The following EPHA6 variants were observed in gnomAD, a reference collection of about 807,000 sequenced individuals.
The protein encoded by EPHA6 is ephrin type-A receptor 6.
A neutral mutation model predicts 112.0 loss-of-function variants in EPHA6; 50 were observed. That is an observed-to-expected ratio of 0.45 (90% confidence interval 0.36 to 0.56). The LOEUF (loss-of-function observed/expected upper bound fraction) is 0.56, where lower values mean the gene tolerates loss of function less well. Among genes scored for constraint, EPHA6 ranks in the 20% least tolerant of loss-of-function variants. EPHA6 has a pLI of 0.00. For missense variants in EPHA6, 1,280 were observed against 1,417.4 expected (o/e 0.90, Z 1.56); for synonymous variants, 529 against 490.7 (o/e 1.08, Z -1.03).
intron 5 of EPHA6, among the ~76,000 whole-genome samples, chr3:97,307,594 C>T (rs558706936): frequency 1.4e-5 from 2 of 147,202 alleles, no homozygotes; most frequent in Non-Finnish European, 3.0e-5. Flanking sequence ...CTAGTTTTGT[C>T]TTTACATTTT....
At chr3:96,985,468 C>A (rs910832185) in intron 2 of EPHA6, among the ~76,000 whole-genome samples, 5 of 151,822 alleles carry the variant, frequency 3.3e-5, no homozygotes, top group African/African-American at 4.8e-5. Flanking sequence ...TATTGTGGTT[C>A]CAATGAGCTG....
intron 13 of EPHA6, among the ~76,000 whole-genome samples, chr3:97,615,916 A>G (rs1364779698): frequency 6.6e-6 from 1 of 152,170 alleles, no homozygotes; most frequent in Non-Finnish European, 1.5e-5. Flanking sequence ...TGGAGAGCCC[A>G]AGCTGACCAG....
intron 2 of EPHA6, among the ~76,000 whole-genome samples, chr3:96,884,400 T>A: frequency 6.6e-6 from 1 of 152,142 alleles, no homozygotes; most frequent in East Asian, 1.9e-4. Context: ...TTTTTCAGCA[T>A]CATTTTATAG....
intron 3 of EPHA6, among the ~76,000 whole-genome samples, chr3:97,047,277 G>A (rs1486441814): frequency 6.6e-6 from 1 of 151,878 alleles, no homozygotes; most frequent in African/African-American, 2.4e-5. Flanking sequence ...AAGGCGGGTG[G>A]ATCATGAGGT....
chr3:97,387,760 A>T (rs1162510206), intron 5 of EPHA6, among the ~76,000 whole-genome samples: 1 of 152,094 alleles, frequency 6.6e-6, no homozygotes, highest in African/African-American at 2.4e-5. Context: ...CACTCTCATT[A>T]CCAATTTTCT....
At chr3:96,929,300 A>G (rs912075273) in intron 2 of EPHA6, among the ~76,000 whole-genome samples, 1 of 152,150 alleles carries the variant, frequency 6.6e-6, no homozygotes, top group African/African-American at 2.4e-5. Flanking sequence ...TATTTTGCAG[A>G]CTTGTTTACA....
In EPHA6 at chr3:97,667,770, A is replaced by C. The variant is rs376008058; in HGVS notation, c.2784+29688A>C. Among the ~76,000 whole-genome samples the C allele has an allele frequency of 9.9e-5, 15 of 152,164 alleles. No homozygotes were observed. The East Asian group carries it at 2.7e-3, about 27-fold the overall frequency. On this transcript the variant is annotated intron_variant, in intron 14 of 17. Transcript: ENST00000389672. The stretch of plus-strand genomic sequence containing the variant: ...CCAGTGCCTGACAGATCAAAATTCT[A>C]TCCCCATTTCTCATATTTGCTCTTT...
intron 12 of EPHA6, among the ~76,000 whole-genome samples, chr3:97,598,872 A>G (rs2107389049): frequency 6.6e-6 from 1 of 150,782 alleles, no homozygotes; most frequent in East Asian, 2.2e-4. Context: ...ACTAGTTTAC[A>G]GTCCCACCAA....
intron 5 of EPHA6, among the ~76,000 whole-genome samples, chr3:97,398,920 C>T (rs916234933): frequency 7.3e-5 from 11 of 151,406 alleles, no homozygotes; most frequent in African/African-American, 2.7e-4. Context: ...AGGTAATTAA[C>T]ATATACATCC....
intron 3 of EPHA6, among the ~76,000 whole-genome samples, chr3:97,217,305 A>T (rs960956146): frequency 3.9e-5 from 6 of 152,216 alleles, no homozygotes; most frequent in African/African-American, 1.4e-4. Flanking sequence ...CTAATAAAAA[A>T]AATTCAACAA....
intron 5 of EPHA6, among the ~76,000 whole-genome samples, chr3:97,284,768 AG>A (rs528911994): frequency 6.6e-6 from 1 of 152,286 alleles, no homozygotes; most frequent in South Asian, 2.1e-4. Flanking sequence ...AAATTCCCCA[AG>A]GCCATTTGAT....
intron 2 of EPHA6, among the ~76,000 whole-genome samples, chr3:96,941,286 CTTTGTTCGTTTCT>C (rs1383491311): frequency 6.6e-6 from 1 of 152,156 alleles, no homozygotes; most frequent in Non-Finnish European, 1.5e-5. Flanking sequence ...TTCCTGGAGG[CTTTGTTCGTTTCT>C]TTTTATTCTT....
intron 5 of EPHA6, among the ~76,000 whole-genome samples, chr3:97,264,691 G>GC (rs2079614059): frequency 1.3e-5 from 2 of 152,198 alleles, no homozygotes; most frequent in African/African-American, 4.8e-5. Flanking sequence ...CTGTAACTAG[G>GC]AAGAATGAGG....
Position 96,859,634 on chromosome 3 carries a change from A to T in EPHA6, c.386-7191A>T, listed in dbSNP as rs150817908. Among the ~76,000 whole-genome samples the T allele has an allele frequency of 3.9e-3, 591 of 151,890 alleles. 1 individual carries two copies. The highest frequency in any genetic ancestry group is 0.011 in the South Asian group (51 of 4,804). The stretch of plus-strand genomic sequence containing the variant: ...TTAATTCATTTTTAAAACATCTCCC[A>T]CTCTATGTAAAACAATATCTCTTTG... On this transcript the variant is annotated intron_variant, in intron 1 of 17. Transcript: ENST00000389672.
intron 5 of EPHA6, among the ~76,000 whole-genome samples, chr3:97,249,501 A>G (rs2079073502): frequency 6.6e-6 from 1 of 152,158 alleles, no homozygotes; most frequent in Non-Finnish European, 1.5e-5. Context: ...GTAATTGAAT[A>G]CTATAGGAAA....
At chr3:97,613,835 C>T (rs950644656) in intron 13 of EPHA6, among the ~76,000 whole-genome samples, 1 of 152,184 alleles carries the variant, frequency 6.6e-6, no homozygotes, top group Admixed American at 6.5e-5. Context: ...GTCAAGGTTA[C>T]ACTTAATTCA....
intron 5 of EPHA6, among the ~76,000 whole-genome samples, chr3:97,335,651 T>C (rs1467124713): frequency 6.6e-6 from 1 of 152,160 alleles, no homozygotes; most frequent in Non-Finnish European, 1.5e-5. Flanking sequence ...AGGGACACAA[T>C]TCTGTCCATA....
chr3:97,434,958 T>C (rs11710392), intron 6 of EPHA6, among the ~76,000 whole-genome samples: 7,786 of 144,934 alleles, frequency 0.054, 240 homozygotes, highest in Non-Finnish European at 0.072. Flanking sequence ...CATGATTATC[T>C]TGGGCTTCCA....
chr3:97,034,997 A>C (rs2108031620), intron 3 of EPHA6, among the ~76,000 whole-genome samples: 1 of 152,112 alleles, frequency 6.6e-6, no homozygotes, highest in East Asian at 1.9e-4. Context: ...ATATTCTGCC[A>C]AACTTCTAAG....
Sources: gnomAD v4.1 joint callset for allele counts (sites outside exome capture counted in the v4.1 genomes callset) on GRCh38, gnomAD v4.1.1 for gene constraint, MANE v1.5 for transcripts, NCBI Gene and HGNC (gene_info 2026-07-23, HGNC 2026-07-21) for gene names.